ERC2: variants seen among roughly 807,000 people sequenced by gnomAD.
The protein encoded by ERC2 is ERC protein 2.
In ERC2, 42 loss-of-function variants were observed where a neutral mutation model predicts 114.8. The ratio of observed to expected loss-of-function variants is 0.37; its 90% confidence interval spans 0.29 to 0.47. The LOEUF is 0.47. Among genes scored for constraint, ERC2 ranks in the 20% least tolerant of loss-of-function variants. The pLI is 0.99. For missense variants in ERC2, 939 were observed against 1,150.7 expected, an observed-to-expected ratio of 0.82 and a Z score of 2.66; for synonymous variants, 454 against 425.5, an observed-to-expected ratio of 1.07 and a Z score of -0.82.
chr3:56,339,660 T>C lies in ERC2; in HGVS notation c.658-43225A>G, dbSNP rs998772620. Among the ~76,000 whole-genome samples, 4 of 152,234 alleles carry C rather than the reference T, an allele frequency of 2.6e-5. No individual in the cohort carries two copies. In the East Asian group the frequency reaches 5.8e-4, roughly 22 times the overall value. On this transcript the variant is annotated intron_variant, in intron 2 of 17. Transcript: ENST00000288221. ...GTCTGGCAACAGGAAGACATGTCTC[T>C]CTCTCTCCCTCTCCCTCTTCCCACC...
At chr3:55,752,591 A>G (rs2066781662) in intron 14 of ERC2, among the ~76,000 whole-genome samples, 1 of 152,188 alleles carries the variant, frequency 6.6e-6, no homozygotes, top group South Asian at 2.1e-4. Flanking sequence ...TCTGTGCCAA[A>G]GACTATACCA....
At position 56,296,376 on chromosome 3, in the gene ERC2, G is replaced by A; in HGVS notation, c.717C>T (p.Asn239=). 1 of 1,614,038 alleles carries A rather than the reference G, an allele frequency of 6.2e-7. No individual in the cohort carries two copies. Among genetic ancestry groups the A allele is most frequent in the East Asian group, 2.2e-5 (1 of 44,882 alleles). The change falls in exon 3 of 18, where the codon AAC becomes AAT. Residue 239 remains asparagine, a synonymous_variant. Coordinates refer to ENST00000288221, the MANE Select transcript of ERC2 (RefSeq NM_015576.3). ...TGCCACTCTCTTGCTGGAGGAGGTGGTTGAGGTCTCTCTGGGTTCGCAGCT... is the reference window on the plus strand; with the variant it reads ...TGCCACTCTCTTGCTGGAGGAGGTGATTGAGGTCTCTCTGGGTTCGCAGCT... ...QDELRTQRDL[N]HLLQQESGNR...
At chr3:55,678,412 A>G (rs1293175051) in intron 17 of ERC2, among the ~76,000 whole-genome samples, 1 of 152,174 alleles carries the variant, frequency 6.6e-6, no homozygotes, top group Non-Finnish European at 1.5e-5. Flanking sequence ...GAACTACAAG[A>G]GCCAATGGCA....
At chr3:56,458,346 A>C (rs1401431651) in intron 1 of ERC2, among the ~76,000 whole-genome samples, 1 of 152,186 alleles carries the variant, frequency 6.6e-6, no homozygotes, top group African/African-American at 2.4e-5. Flanking sequence ...CCAGAAAGGG[A>C]ACTTAGGGCT....
At chr3:56,084,426 T>C (rs2077398087) in intron 6 of ERC2, among the ~76,000 whole-genome samples, 1 of 152,196 alleles carries the variant, frequency 6.6e-6, no homozygotes, top group Admixed American at 6.5e-5. Flanking sequence ...CACAGCACAA[T>C]TCACATTTGC....
At chr3:55,699,076 C>T (rs2063089425) in intron 16 of ERC2, among the ~76,000 whole-genome samples, 1 of 152,112 alleles carries the variant, frequency 6.6e-6, no homozygotes, top group South Asian at 2.1e-4. Flanking sequence ...CTGAAAGAGA[C>T]ATTCCAAAGT....
At chr3:55,722,633 T>C (rs991950328) in intron 15 of ERC2, among the ~76,000 whole-genome samples, 1 of 152,224 alleles carries the variant, frequency 6.6e-6, no homozygotes, top group African/African-American at 2.4e-5. Context: ...TTGTTCACTG[T>C]TGTGTCTCCG....
intron 1 of ERC2, among the ~76,000 whole-genome samples, chr3:56,452,870 C>A (rs2107526079): frequency 6.6e-6 from 1 of 152,286 alleles, no homozygotes; most frequent in East Asian, 1.9e-4. Flanking sequence ...TAGCACAGTG[C>A]CTGAGGCTTA....
intron 15 of ERC2, among the ~76,000 whole-genome samples, chr3:55,729,325 A>G: frequency 6.6e-6 from 1 of 151,984 alleles, no homozygotes; most frequent in East Asian, 1.9e-4. Context: ...CTTCCCCTAG[A>G]CATCTAAATG....
chr3:55,903,044 T>A (rs2064228247), intron 13 of ERC2, among the ~76,000 whole-genome samples: 1 of 152,208 alleles, frequency 6.6e-6, no homozygotes, highest in Non-Finnish European at 1.5e-5. Flanking sequence ...CATACTCACA[T>A]CTTAACATGT....
At chr3:55,567,614 G>C (rs2056454740) in intron 17 of ERC2, among the ~76,000 whole-genome samples, 1 of 152,120 alleles carries the variant, frequency 6.6e-6, no homozygotes, top group Non-Finnish European at 1.5e-5. Context: ...GGTAAGAAAG[G>C]GACAGTGGTG....
chr3:56,388,282 G>A lies in ERC2; in HGVS notation c.657+46069C>T, dbSNP rs538902454. Among the ~76,000 whole-genome samples, 14 of 152,192 alleles carry A rather than the reference G, an allele frequency of 9.2e-5. No individual in the cohort carries two copies. The East Asian group carries it at 9.7e-4, about 11-fold the overall frequency. On this transcript the variant is annotated intron_variant, in intron 2 of 17. Coordinates refer to ENST00000288221, the MANE Select transcript of ERC2 (RefSeq NM_015576.3). ...CATGAATGTCTTGGTGCCATTCTCC[G>A]GGTAATGAATGAGTTCTCACTCTGT... is the stretch of plus-strand genomic sequence containing the variant.
chr3:55,759,422 T>C (rs1280525016), intron 14 of ERC2, among the ~76,000 whole-genome samples: 2 of 122,860 alleles, frequency 1.6e-5, no homozygotes, highest in African/African-American at 3.1e-5. Context: ...TCCCCCTCTC[T>C]GGGAGTCAGA....
chr3:55,694,804 G>T (rs2062844058), intron 16 of ERC2, among the ~76,000 whole-genome samples: 1 of 152,184 alleles, frequency 6.6e-6, no homozygotes, highest in African/African-American at 2.4e-5. Context: ...GGTCCTTGAA[G>T]ACCTAACACC....
intron 17 of ERC2, among the ~76,000 whole-genome samples, chr3:55,520,224 G>A (rs1472005358): frequency 6.6e-6 from 1 of 151,702 alleles, no homozygotes. Context: ...AGGGCAAGGG[G>A]GACAGATGGC....
At chr3:56,127,976 T>C (rs528349707) in intron 6 of ERC2, among the ~76,000 whole-genome samples, 12 of 152,070 alleles carry the variant, frequency 7.9e-5, no homozygotes, top group African/African-American at 2.7e-4. Context: ...CTCAAAATTG[T>C]CTAAAAACTA....
At chr3:56,169,942 G>GA (rs1227049895) in intron 4 of ERC2, among the ~76,000 whole-genome samples, 1 of 151,832 alleles carries the variant, frequency 6.6e-6, no homozygotes, top group East Asian at 1.9e-4. Context: ...ATTAAAGAAA[G>GA]AAAAAAGAGA....
chr3:56,341,342 T>G (rs2058082400), intron 2 of ERC2, among the ~76,000 whole-genome samples: 1 of 152,140 alleles, frequency 6.6e-6, no homozygotes, highest in African/African-American at 2.4e-5. Flanking sequence ...GCTTAGGAGA[T>G]ATTCTGCCAA....
At chr3:55,942,301 T>TG (rs2066853480) in intron 13 of ERC2, among the ~76,000 whole-genome samples, 1 of 120,844 alleles carries the variant, frequency 8.3e-6, no homozygotes, top group African/African-American at 3.4e-5. Context: ...TTTTTTTTTT[T>TG]TTGTTGAGAC....
Sources: gnomAD v4.1 joint callset for allele counts (sites outside exome capture counted in the v4.1 genomes callset) on GRCh38, gnomAD v4.1.1 for gene constraint, MANE v1.5 for transcripts, NCBI Gene and HGNC (gene_info 2026-07-23, HGNC 2026-07-21) for gene names.